The following VPS13A variants were observed in gnomAD, a reference collection of about 807,000 sequenced individuals.
VPS13A encodes vacuolar protein sorting 13 homolog A.
Under a neutral mutation model 390.9 loss-of-function variants are expected in VPS13A, and 264 were observed. The observed-to-expected ratio is 0.68, with a 90% CI of 0.61 to 0.75. VPS13A has a LOEUF of 0.75. Among genes scored for constraint, VPS13A ranks in the 30% least tolerant of loss-of-function variants. The pLI, the probability that VPS13A is intolerant of heterozygous loss-of-function variation, is 0.00. For missense variants in VPS13A, 3,409 were observed against 3,733.9 expected (o/e 0.91, Z 2.27); for synonymous variants, 1,231 against 1,227.1 (o/e 1.00, Z -0.07).
At chr9:77,369,827 G>A (rs1041477168) in intron 63 of VPS13A, among the ~76,000 whole-genome samples, 4 of 152,036 alleles carry the variant, frequency 2.6e-5, no homozygotes, top group East Asian at 1.9e-4. Context: ...CTACTTCCAC[G>A]TATAAATGTA....
intron 31 of VPS13A, among the ~76,000 whole-genome samples, chr9:77,284,932 T>C (rs978179433): frequency 6.6e-6 from 1 of 152,066 alleles, no homozygotes; most frequent in African/African-American, 2.4e-5. Context: ...CTCAAACTCC[T>C]GGCCTCAAGT....
rs768898784 is a variant in VPS13A, at chr9:77,344,242, C to T, written c.7116C>T (p.Asn2372=). 2 of 1,613,382 alleles carry T rather than the reference C, an allele frequency of 1.2e-6. No homozygotes were observed. Among genetic ancestry groups the T allele is most frequent in the East Asian group, 4.5e-5 (2 of 44,730 alleles). The stretch of plus-strand genomic sequence containing the variant: ...ATCCTCCCAAAAGGATATATTTTAA[C>T]AAGCAGGAAAATTGTATTCTATTGC... ...SEDPPKRIYF[N]KQENCILLRL... The change falls in exon 51 of 72, where the codon AAC becomes AAT. Residue 2372 remains asparagine (N), a synonymous_variant. Coordinates refer to ENST00000360280, the MANE Select transcript of VPS13A (RefSeq NM_033305.3).
chr9:77,238,198 AT>A lies in VPS13A; in HGVS notation c.1785+14del, dbSNP rs1564654673. ...AGAAATCATATATGATGCAGTAAGC[AT>A]TTTTTTAAATTACTAAGTTTTAATA... On this transcript the variant is annotated splice_region_variant and intron_variant, in intron 18 of 71. Transcript: ENST00000360280. 2 of 1,611,284 alleles carry A rather than the reference AT, an allele frequency of 1.2e-6. No homozygotes were observed. Among genetic ancestry groups the A allele is most frequent in the South Asian group, 2.2e-5 (2 of 90,924 alleles).
chr9:77,256,854 A>ATT (rs796409609), intron 22 of VPS13A, among the ~76,000 whole-genome samples: 1 of 130,434 alleles, frequency 7.7e-6, no homozygotes, highest in African/African-American at 2.9e-5. Flanking sequence ...GTCTTTCTTC[A>ATT]TTTTTTTTTT....
chr9:77,297,714 A>G (rs1002270918), intron 33 of VPS13A, among the ~76,000 whole-genome samples: 2 of 151,912 alleles, frequency 1.3e-5, no homozygotes, highest in Non-Finnish European at 2.9e-5. Context: ...AAGAATAAGA[A>G]ATATAATAGT....
At chr9:77,341,542 C>T (rs1285525219) in intron 50 of VPS13A, among the ~76,000 whole-genome samples, 1 of 151,964 alleles carries the variant, frequency 6.6e-6, no homozygotes, top group Non-Finnish European at 1.5e-5. Flanking sequence ...AATATTGCCT[C>T]TCCTCCATTC....
At chr9:77,395,031 G>C (rs1587714699) in intron 68 of VPS13A, among the ~76,000 whole-genome samples, 1 of 152,044 alleles carries the variant, frequency 6.6e-6, no homozygotes, top group East Asian at 1.9e-4. Flanking sequence ...TATAATTCTT[G>C]TGTTCACTGG....
chr9:77,392,440 G>C (rs1243382362), intron 68 of VPS13A, among the ~76,000 whole-genome samples: 1 of 152,082 alleles, frequency 6.6e-6, no homozygotes, highest in African/African-American at 2.4e-5. Flanking sequence ...TTTTACTAGA[G>C]TTATTATTTT....
chr9:77,179,892 G>T (rs1459360251), intron 1 of VPS13A, among the ~76,000 whole-genome samples: 2 of 151,898 alleles, frequency 1.3e-5, no homozygotes, highest in Non-Finnish European at 2.9e-5. Context: ...TCCACCTCTG[G>T]CAACCACTAA....
At chr9:77,336,581 G>A (rs571154050) in intron 46 of VPS13A, among the ~76,000 whole-genome samples, 1 of 152,026 alleles carries the variant, frequency 6.6e-6, no homozygotes, top group South Asian at 2.1e-4. Context: ...TTAGGCCCAT[G>A]TATCCAGAAA....
intron 22 of VPS13A, among the ~76,000 whole-genome samples, chr9:77,256,189 A>G (rs1459634233): frequency 2.0e-5 from 3 of 151,494 alleles, no homozygotes; most frequent in Middle Eastern, 3.4e-3. Flanking sequence ...GGTATGTTGT[A>G]TTTTCATTTT....
intron 48 of VPS13A, 103 bp downstream of exon 48, chr9:77,340,014 A>C: frequency 6.8e-7 from 1 of 1,464,796 alleles, no homozygotes; most frequent in East Asian, 2.3e-5. Context: ...GATAGAAATA[A>C]CTTGTTAAAT....
chr9:77,316,476 C>T, intron 39 of VPS13A, 70 bp downstream of exon 39: 1 of 1,294,656 alleles, frequency 7.7e-7, no homozygotes, highest in Non-Finnish European at 1.1e-6. Flanking sequence ...TTTTAGGAAA[C>T]AAAAACTACC....
chr9:77,340,389 AT>A lies in VPS13A; in HGVS notation c.6880-6del, dbSNP rs140476942. The A allele has an allele frequency of 2.7e-5, 44 of 1,607,914 alleles. No individual in the cohort carries two copies. The highest frequency in any genetic ancestry group is 1.3e-4 in the South Asian group (12 of 90,730). ...ATACATAACAGTTTTTGAGCTGTTA[AT>A]TTTTTTTTCTTAGGTTGGTGTCACT... is the stretch of plus-strand genomic sequence containing the variant. On this transcript the variant is annotated splice_polypyrimidine_tract_variant and intron_variant, in intron 49 of 71. Transcript: ENST00000360280.
intron 50 of VPS13A, among the ~76,000 whole-genome samples, chr9:77,342,766 A>G (rs529185781): frequency 3.3e-5 from 5 of 152,316 alleles, no homozygotes; most frequent in South Asian, 4.1e-4. Flanking sequence ...TCTGGTACCA[A>G]GCATCTCGAA....
At chr9:77,237,199 G>T (rs751406889) in intron 17 of VPS13A, among the ~76,000 whole-genome samples, 1 of 151,494 alleles carries the variant, frequency 6.6e-6, no homozygotes, top group Non-Finnish European at 1.5e-5. Flanking sequence ...AGATTTTTTT[G>T]AATAAAAGTT....
chr9:77,291,818 A>C (rs373998226), intron 31 of VPS13A, among the ~76,000 whole-genome samples: 2 of 152,272 alleles, frequency 1.3e-5, no homozygotes, highest in South Asian at 2.1e-4. Flanking sequence ...TGTGAGTCTC[A>C]GAAATGGAGT....
intron 41 of VPS13A, among the ~76,000 whole-genome samples, chr9:77,319,086 G>A (rs1337788873): frequency 6.6e-6 from 1 of 151,138 alleles, no homozygotes; most frequent in Non-Finnish European, 1.5e-5. Flanking sequence ...TTAGTTATTC[G>A]AGAGACTGAG....
At position 77,201,369 on chromosome 9, in the gene VPS13A, A is replaced by T. The variant is rs970746451; in HGVS notation, c.149A>T (p.Gln50Leu). The change falls in exon 3 of 72, where the codon CAA becomes CTA. Residue 50 changes from glutamine (Q) to leucine (L), a missense_variant. Coordinates refer to ENST00000360280, the MANE Select transcript of VPS13A (RefSeq NM_033305.3). ...ATATATAAATTTTTTCTGTAGAGTC[A>T]ACTGGATGTACCATTTAAAGTTAAA... ...NLQIKENALSQLDVPFKVKVG... is the reference protein window; with the variant it reads ...NLQIKENALSLLDVPFKVKVG... The T allele has an allele frequency of 1.9e-6, 3 of 1,607,804 alleles. No homozygotes were observed. Among genetic ancestry groups the T allele is most frequent in the Non-Finnish European group, 1.7e-6 (2 of 1,174,672 alleles).
Sources: allele counts gnomAD v4.1 joint callset (sites outside exome capture counted in the v4.1 genomes callset), GRCh38; gene constraint gnomAD v4.1.1; transcripts MANE v1.5; gene names NCBI Gene and HGNC (gene_info 2026-07-23, HGNC 2026-07-21).